The following PDCD4 variants were observed in gnomAD, a reference collection of about 807,000 sequenced individuals.
PDCD4 encodes the protein programmed cell death 4.
A neutral mutation model predicts 54.0 loss-of-function variants in PDCD4; 56 were observed. That is an observed-to-expected ratio of 1.04 (90% CI 0.84 to 1.30). PDCD4 has a LOEUF of 1.30. PDCD4 is among the 50% of genes most tolerant of loss of function. The pLI, the probability that PDCD4 is intolerant of heterozygous loss-of-function variation, is 0.00. For synonymous variants in PDCD4, 186 were observed against 194.8 expected, an observed-to-expected ratio of 0.95 and a Z score of 0.37; for missense variants, 584 against 559.8, an observed-to-expected ratio of 1.04 and a Z score of -0.44.
intron 4 of PDCD4, among the ~76,000 whole-genome samples, chr10:110,884,619 T>A (rs1845641001): frequency 6.6e-6 from 1 of 152,064 alleles, no homozygotes. Context: ...TGAAACTTTT[T>A]GATTACTAAA....
intron 3 of PDCD4, 114 bp from the exon 4 acceptor site, chr10:110,882,889 C>G (rs1845612717): frequency 1.5e-6 from 1 of 666,914 alleles, no homozygotes; most frequent in South Asian, 1.8e-5. Context: ...AAAAAACTAA[C>G]ACGTTAAATA....
rs369217017 is a variant in PDCD4, at chr10:110,894,107, A to C, written c.1007A>C (p.Lys336Thr). The change falls in exon 9 of 12, where the codon AAA (lysine) becomes ACA (threonine). Residue 336 changes from lysine (K) to threonine (T), a missense_variant. Coordinates refer to ENST00000280154, the MANE Select transcript of PDCD4 (RefSeq NM_014456.5). ...ATCTAATAGATTGATATGCTGCTGAAAGAATATTTACTCTCTGGAGACATA... is the reference window on the plus strand; with the variant it reads ...ATCTAATAGATTGATATGCTGCTGACAGAATATTTACTCTCTGGAGACATA... ...HLVKEIDMLLKEYLLSGDISE... is the reference protein window; with the variant it reads ...HLVKEIDMLLTEYLLSGDISE... 6.2e-7 allele frequency: 1 copy of C among 1,600,784 alleles called. No homozygotes were observed. The highest frequency in any genetic ancestry group is 1.3e-5 in the African/African-American group (1 of 74,716).
intron 5 of PDCD4, among the ~76,000 whole-genome samples, chr10:110,886,326 G>A (rs537216343): frequency 1.3e-5 from 2 of 152,270 alleles, no homozygotes; most frequent in South Asian, 4.1e-4. Context: ...GCATAAAATA[G>A]AGAGTAATAG....
intron 2 of PDCD4, among the ~76,000 whole-genome samples, chr10:110,877,000 A>G (rs1845515675): frequency 6.6e-6 from 1 of 152,152 alleles, no homozygotes; most frequent in Non-Finnish European, 1.5e-5. Flanking sequence ...CAATGTACAT[A>G]GTTTTCTTTG....
intron 3 of PDCD4, 106 bp from the exon 4 acceptor site, chr10:110,882,897 A>C: frequency 2.7e-6 from 2 of 733,946 alleles, no homozygotes; most frequent in South Asian, 3.2e-5. Flanking sequence ...AACACGTTAA[A>C]TACAATTTTT....
At chr10:110,895,798 T>C in intron 10 of PDCD4, 150 bp from the exon 11 acceptor site, 1 of 569,072 alleles carries the variant, frequency 1.8e-6, no homozygotes, top group South Asian at 2.4e-5. Flanking sequence ...CAAATCTACT[T>C]TCTGTGCTTC....
chr10:110,876,753 TGTGA>T (rs770317429), intron 2 of PDCD4: 1 of 1,110,172 alleles, frequency 9.0e-7, no homozygotes, highest in Non-Finnish European at 1.3e-6. Context: ...GATGACCAAA[TGTGA>T]GTAACTCAAG....
At chr10:110,882,610 T>C (rs1845608466) in intron 3 of PDCD4, among the ~76,000 whole-genome samples, 1 of 152,190 alleles carries the variant, frequency 6.6e-6, no homozygotes, top group African/African-American at 2.4e-5. Flanking sequence ...TTTTCCCTTG[T>C]TGAGTTTTCT....
chr10:110,876,962 C>T (rs1349328464), intron 2 of PDCD4, among the ~76,000 whole-genome samples: 2 of 152,082 alleles, frequency 1.3e-5, no homozygotes, highest in African/African-American at 4.8e-5. Context: ...ATCTTTCTTT[C>T]CTCAGTGACT....
chr10:110,887,628 C>A (rs1357078755), intron 5 of PDCD4, 37 bp from the exon 6 acceptor site: 2 of 1,462,704 alleles, frequency 1.4e-6, no homozygotes, highest in East Asian at 2.3e-5. Context: ...GGTAGTGATA[C>A]ACTTTTAAAA....
rs61469604 is a variant in PDCD4 at position 110,898,390 on chromosome 10, G to A, written c.*302G>A. The A allele has an allele frequency of 0.054, 11,610 of 215,996 alleles. 402 individuals are homozygous for A. Among genetic ancestry groups the A allele is most frequent in the African/African-American group, 0.1 (4,566 of 43,860 alleles). The allele number at this position is 215,996 out of a possible 1,614,324, so 13.4% of individuals were successfully genotyped here. A position where few individuals can be genotyped will look rare whatever the true frequency, so the allele number is the denominator to read the frequency against. ...TAATCATTCCAAGTTTTGCATTGAT[G>A]TCTGACTGCCACTCCTTTCTTTCAA... On this transcript the variant is annotated 3_prime_UTR_variant, in exon 12 of 12. Coordinates refer to ENST00000280154, the MANE Select transcript of PDCD4 (RefSeq NM_014456.5).
rs752856164 is a variant in PDCD4, at chr10:110,894,491, C to T, written c.1178C>T (p.Ser393Phe). 3 of 1,535,394 alleles carry T rather than the reference C, an allele frequency of 2.0e-6. No homozygotes were observed. The change falls in exon 10 of 12, where the codon TCT becomes TTT. Residue 393 changes from serine to phenylalanine, a missense_variant. Transcript: ENST00000280154. The stretch of plus-strand genomic sequence containing the variant: ...GATTTATTAAAGTCCCTTTGGAAGT[C>T]TTCTACCATTACTGTAGACCAAATG... ...ILDLLKSLWK[S>F]STITVDQMKR...
At chr10:110,881,581 A>G (rs746323536) in intron 3 of PDCD4, 46 bp downstream of exon 3, 8 of 1,521,284 alleles carry the variant, frequency 5.3e-6, no homozygotes, top group Non-Finnish European at 6.3e-6. Flanking sequence ...ACAAGTGGAA[A>G]AAAATTGTCT....
chr10:110,894,143 A>C lies in PDCD4; in HGVS notation c.1043A>C (p.Glu348Ala). The C allele has an allele frequency of 1.2e-6, 2 of 1,610,190 alleles. No homozygotes were observed. The highest frequency in any genetic ancestry group is 1.7e-6 in the Non-Finnish European group (2 of 1,176,620). ...YLLSGDISEA[E>A]HCLKELEVPH... ...CTCTCTGGAGACATATCTGAAGCTG[A>C]ACATTGCCTTAAGGAACTGGAAGTA... Residue 348 changes from glutamate (E) to alanine (A), a missense_variant, in exon 9 of 12, where the codon GAA becomes GCA. By Grantham distance (107) the Glu-to-Ala change is moderately radical (BLOSUM62 -1). Coordinates refer to ENST00000280154, the MANE Select transcript of PDCD4 (RefSeq NM_014456.5).
At chr10:110,880,870 A>G (rs533616162) in intron 2 of PDCD4, among the ~76,000 whole-genome samples, 1 of 152,314 alleles carries the variant, frequency 6.6e-6, no homozygotes, top group South Asian at 2.1e-4. Flanking sequence ...AATATCTCCA[A>G]TTAGCTCATA....
In PDCD4 at chr10:110,874,768, C is replaced by G. The variant is rs148054568; in HGVS notation, c.-62-1198C>G. Among the ~76,000 whole-genome samples the G allele has an allele frequency of 6.1e-4, 93 of 152,156 alleles. 1 individual carries two copies. The highest frequency in any genetic ancestry group is 1.5e-4 in the Non-Finnish European group (10 of 67,926). ...GTTTTCTGAAGAAAAGGGCTATAAACTTATGTTAGCAAATAGTAGTACATA... is the reference window on the plus strand; with the variant it reads ...GTTTTCTGAAGAAAAGGGCTATAAAGTTATGTTAGCAAATAGTAGTACATA... On this transcript the variant is annotated intron_variant, in intron 1 of 11. Coordinates refer to ENST00000280154, the MANE Select transcript of PDCD4 (RefSeq NM_014456.5).
intron 1 of PDCD4, among the ~76,000 whole-genome samples, chr10:110,874,327 CA>C (rs1845469123): frequency 6.6e-6 from 1 of 152,174 alleles, no homozygotes; most frequent in Admixed American, 6.5e-5. Flanking sequence ...ATACTTTCAT[CA>C]AGAATGAAAA....
At chr10:110,884,385 A>G (rs1164673247) in intron 4 of PDCD4, among the ~76,000 whole-genome samples, 1 of 152,182 alleles carries the variant, frequency 6.6e-6, no homozygotes, top group African/African-American at 2.4e-5. Flanking sequence ...CTTTTTTAGC[A>G]TGGGGAGAGA....
At chr10:110,890,470 T>C in intron 7 of PDCD4, 86 bp from the exon 8 acceptor site, 1 of 572,106 alleles carries the variant, frequency 1.7e-6, no homozygotes, top group Non-Finnish European at 3.1e-6. Flanking sequence ...ATTTAGGGCA[T>C]ATAGGATTTT....
Sources: gnomAD v4.1 joint callset for allele counts (sites outside exome capture counted in the v4.1 genomes callset) on GRCh38, gnomAD v4.1.1 for gene constraint, MANE v1.5 for transcripts, NCBI Gene and HGNC (gene_info 2026-07-23, HGNC 2026-07-21) for gene names.